Variants in DISC1 observed in about 807,000 individuals in gnomAD.
The protein encoded by DISC1 is DISC1 scaffold protein, also known as disrupted in schizophrenia 1 protein.
DISC1 carries 57 observed loss-of-function variants against 84.5 expected under a neutral mutation model. That is an observed-to-expected ratio of 0.67 (90% CI 0.55 to 0.84). The LOEUF (loss-of-function observed/expected upper bound fraction) is 0.84. Ranked by LOEUF, DISC1 falls within the 40% of genes least tolerant of loss-of-function variation. DISC1 has a pLI of 0.00. For synonymous variants in DISC1, 411 were observed against 415.2 expected, an observed-to-expected ratio of 0.99 and a Z score of 0.12; for missense variants, 1,000 against 1,057.8, an observed-to-expected ratio of 0.95 and a Z score of 0.76.
chr1:231,650,860 T>C (rs987210267), intron 1 of DISC1, among the ~76,000 whole-genome samples: 1 of 152,222 alleles, frequency 6.6e-6, no homozygotes, highest in Non-Finnish European at 1.5e-5. Flanking sequence ...AAATCAGCTA[T>C]TGAAGCTTGT....
At chr1:231,909,882 A>G (rs1254021906) in intron 9 of DISC1, among the ~76,000 whole-genome samples, 5 of 152,166 alleles carry the variant, frequency 3.3e-5, no homozygotes, top group Admixed American at 1.3e-4. Flanking sequence ...CAGGGATTCA[A>G]CTTCTTCCTG....
intron 4 of DISC1, among the ~76,000 whole-genome samples, chr1:231,759,453 C>G (rs964262971): frequency 1.6e-5 from 2 of 127,266 alleles, no homozygotes; most frequent in African/African-American, 5.9e-5. Flanking sequence ...CTTTGGGAGG[C>G]TGAGGCAGGA....
At chr1:231,729,043 T>A (rs1405262120) in intron 3 of DISC1, among the ~76,000 whole-genome samples, 1 of 152,090 alleles carries the variant, frequency 6.6e-6, no homozygotes, top group Non-Finnish European at 1.5e-5. Context: ...TTCCTGTGTC[T>A]ATGAGTTCTC....
chr1:231,938,999 T>C (rs1309141486), intron 9 of DISC1, among the ~76,000 whole-genome samples: 1 of 152,206 alleles, frequency 6.6e-6, no homozygotes, highest in African/African-American at 2.4e-5. Context: ...AATGTCAGCA[T>C]CTCAAATGGG....
intron 9 of DISC1, among the ~76,000 whole-genome samples, chr1:231,864,501 A>C (rs2084913386): frequency 6.6e-6 from 1 of 152,132 alleles, no homozygotes; most frequent in Non-Finnish European, 1.5e-5. Flanking sequence ...GTCTCTATTA[A>C]AAATACAAAA....
At chr1:231,995,531 C>G (rs889649853) in intron 10 of DISC1, among the ~76,000 whole-genome samples, 1 of 152,020 alleles carries the variant, frequency 6.6e-6, no homozygotes, top group African/African-American at 2.4e-5. Flanking sequence ...TGATGTTCCC[C>G]TTCCTGTGTC....
chr1:231,683,926 G>A (rs942731785), intron 1 of DISC1, among the ~76,000 whole-genome samples: 4 of 152,022 alleles, frequency 2.6e-5, no homozygotes, highest in Middle Eastern at 3.4e-3. Flanking sequence ...ACTCAACACT[G>A]CCTTTCACAC....
At chr1:231,938,511 T>A (rs1558756953) in intron 9 of DISC1, among the ~76,000 whole-genome samples, 1 of 152,148 alleles carries the variant, frequency 6.6e-6, no homozygotes, top group Non-Finnish European at 1.5e-5. Flanking sequence ...GCCAACAACC[T>A]GACCAAGTTC....
At position 232,020,123 on chromosome 1, in the gene DISC1, C is replaced by T. The variant is rs1306874717; in HGVS notation, c.2308-6312C>T. Among the ~76,000 whole-genome samples the T allele has an allele frequency of 2.0e-5, 3 of 152,076 alleles. 1 individual carries two copies. Among genetic ancestry groups the T allele is most frequent in the Non-Finnish European group, 4.4e-5 (3 of 68,006 alleles). ...TTGGGGGGCCAAGGCAGGCAGATCA[C>T]CTGAGATCGGGAGTTCGAGACCAGC... is the stretch of plus-strand genomic sequence containing the variant. On this transcript the variant is annotated intron_variant, in intron 11 of 12. Transcript: ENST00000439617.
At chr1:231,755,325 G>A (rs1284457945) in intron 4 of DISC1, among the ~76,000 whole-genome samples, 2 of 151,790 alleles carry the variant, frequency 1.3e-5, no homozygotes, top group Middle Eastern at 3.2e-3. Flanking sequence ...ACAGGCATGA[G>A]CCACCATGCC....
intron 10 of DISC1, among the ~76,000 whole-genome samples, chr1:232,001,144 T>C (rs1666632682): frequency 6.6e-6 from 1 of 152,160 alleles, no homozygotes; most frequent in Non-Finnish European, 1.5e-5. Context: ...AGTGGCGTGA[T>C]CTTGGTTCAC....
chr1:231,722,656 A>C, intron 3 of DISC1: 2 of 1,612,952 alleles, frequency 1.2e-6, no homozygotes, highest in Non-Finnish European at 8.5e-7. Context: ...CACAGCGTAG[A>C]TCATGACTTC....
At chr1:232,026,962 G>T (rs1669538797) in intron 12 of DISC1, among the ~76,000 whole-genome samples, 1 of 151,910 alleles carries the variant, frequency 6.6e-6, no homozygotes, top group African/African-American at 2.4e-5. Flanking sequence ...TGTTTGCCAG[G>T]CTGGTCTAGA....
At chr1:231,892,683 T>A (rs530162981) in intron 9 of DISC1, among the ~76,000 whole-genome samples, 7 of 146,870 alleles carry the variant, frequency 4.8e-5, no homozygotes, top group East Asian at 2.0e-4. Flanking sequence ...AAAAAAAAAA[T>A]GGTAAGTCTG....
At chr1:231,807,933 G>A (rs200849765) in intron 8 of DISC1, among the ~76,000 whole-genome samples, 125 of 152,332 alleles carry the variant, frequency 8.2e-4, no homozygotes, top group African/African-American at 2.4e-3. Context: ...AGGCAGCCCT[G>A]CATTTAATAA....
At chr1:231,682,780 G>T (rs1310572164) in intron 1 of DISC1, among the ~76,000 whole-genome samples, 1 of 152,190 alleles carries the variant, frequency 6.6e-6, no homozygotes, top group Non-Finnish European at 1.5e-5. Flanking sequence ...CATGTATTAA[G>T]ACTCAAAAAT....
intron 7 of DISC1, among the ~76,000 whole-genome samples, chr1:231,798,673 G>A (rs1017154184): frequency 3.9e-5 from 6 of 152,164 alleles, no homozygotes; most frequent in Admixed American, 3.3e-4. Flanking sequence ...TCTCAAGACT[G>A]TTGAAAGGGT....
rs561461616 is a variant in DISC1 at position 231,909,797 on chromosome 1, G to T, written c.1982-49031G>T. ...TCTCGTAGAATTTGGCTGTGAATCC[G>T]TCTGGTCCTGGACTTTTTTTGATTG... On this transcript the variant is annotated intron_variant, in intron 9 of 12. Transcript: ENST00000439617. Among the ~76,000 whole-genome samples, 7 of 152,228 alleles carry T rather than the reference G, an allele frequency of 4.6e-5. No individual in the cohort carries two copies. The South Asian group carries it at 6.2e-4, about 14-fold the overall frequency.
chr1:231,953,584 T>C (rs934867726), intron 9 of DISC1, among the ~76,000 whole-genome samples: 22 of 152,242 alleles, frequency 1.4e-4, no homozygotes, highest in African/African-American at 5.3e-4. Flanking sequence ...ATTTCTCCTT[T>C]GTCTTTCACA....
Sources: allele counts gnomAD v4.1 joint callset (sites outside exome capture counted in the v4.1 genomes callset), GRCh38; gene constraint gnomAD v4.1.1; transcripts MANE v1.5; gene names NCBI Gene and HGNC (gene_info 2026-07-23, HGNC 2026-07-21).